The following CLEC17A variants were observed in gnomAD, a reference collection of about 807,000 sequenced individuals.
CLEC17A encodes the protein C-type lectin domain family 17, member A.
Under a neutral mutation model 61.3 loss-of-function variants are expected in CLEC17A, and 37 were observed. That is an observed-to-expected ratio of 0.60 (90% CI 0.46 to 0.79). The LOEUF (loss-of-function observed/expected upper bound fraction) is 0.79, where lower values mean the gene tolerates loss of function less well. CLEC17A is among the 30% of genes least tolerant of loss of function. The pLI, the probability that CLEC17A is intolerant of heterozygous loss-of-function variation, is 0.00. For synonymous variants in CLEC17A, 168 were observed against 164.9 expected (o/e 1.02, Z -0.14); for missense variants, 418 against 464.7 (o/e 0.90, Z 0.92).
rs945017972 is a variant in CLEC17A at position 14,611,873 on chromosome 19, A to C, written c.*1677A>C. ...AAAAAAATTAGCTGGGCGTGGTGGC[A>C]TGTGCCTGTAATCCCAGCTACTCAG... On this transcript the variant is annotated 3_prime_UTR_variant, in exon 14 of 14. Coordinates refer to ENST00000417570, the MANE Select transcript of CLEC17A (RefSeq NM_001204118.2). Among the ~76,000 whole-genome samples, 1 of 152,036 alleles carries C rather than the reference A, an allele frequency of 6.6e-6. No individual in the cohort carries two copies. The highest frequency in any genetic ancestry group is 6.6e-5 in the Admixed American group (1 of 15,240).
rs530072921 is a variant in CLEC17A, at chr19:14,597,733, T to G, written c.646+572T>G. 3.3e-5 allele frequency among the ~76,000 whole-genome samples: 5 copies of G among 152,258 alleles called. No individual in the cohort carries two copies. In the South Asian group the frequency reaches 1.0e-3, roughly 32 times the overall value. On this transcript the variant is annotated intron_variant, in intron 10 of 13. Coordinates refer to ENST00000417570, the MANE Select transcript of CLEC17A (RefSeq NM_001204118.2). The stretch of plus-strand genomic sequence containing the variant: ...CTCCTGCCTCAGCCTCTTGAGTAGC[T>G]GGGACATAGGCGCATGCCATCACAC...
In CLEC17A at chr19:14,596,961, G is replaced by A. The variant is rs1471994309; in HGVS notation, c.531G>A (p.Val177=). The change falls in exon 9 of 14, where the codon GTG becomes GTA. Residue 177 remains valine, a synonymous_variant. Transcript: ENST00000417570. ...GGATGGTGTACCTGTGTCTGCTGGTGGTGACTTCCCTGTTCCTGGGCTGCC... is the reference window on the plus strand; with the variant it reads ...GGATGGTGTACCTGTGTCTGCTGGTAGTGACTTCCCTGTTCCTGGGCTGCC... The part of the protein sequence containing the change: ...KRWMVYLCLL[V]VTSLFLGCLG... 6.2e-7 allele frequency: 1 copy of A among 1,608,718 alleles called. No individual in the cohort carries two copies. Among genetic ancestry groups the A allele is most frequent in the African/African-American group, 1.3e-5 (1 of 74,940 alleles).
intron 13 of CLEC17A, among the ~76,000 whole-genome samples, chr19:14,607,370 A>ATT (rs144994214): frequency 1.3e-5 from 2 of 150,472 alleles, no homozygotes; most frequent in African/African-American, 2.4e-5. Context: ...TGCCCGGCTA[A>ATT]TTTTTTGTAT....
rs1173247650 is a variant in CLEC17A at position 14,600,016 on chromosome 19, C to T, written c.743-15C>T. 3.1e-6 allele frequency: 5 copies of T among 1,612,928 alleles called. No individual in the cohort carries two copies. The highest frequency in any genetic ancestry group is 4.2e-6 in the Non-Finnish European group (5 of 1,179,398). ...GTTCTGGGGCCATCCTGACAGCATT[C>T]TGTCTGGTTCCCAGACTGCCGCCGA... On this transcript the variant is annotated splice_polypyrimidine_tract_variant and intron_variant, in intron 11 of 13. Transcript: ENST00000417570.
At position 14,610,265 on chromosome 19, in the gene CLEC17A, T is replaced by C; in HGVS notation, c.*69T>C. ...GAGATGAGAATCTCCTGCCCTTTCG[T>C]GGACGGCCTTGCCTCTTCGTGAGTG... On this transcript the variant is annotated 3_prime_UTR_variant, in exon 14 of 14. Transcript: ENST00000417570. 5 of 1,531,608 alleles carry C rather than the reference T, an allele frequency of 3.3e-6. No individual in the cohort carries two copies. Among genetic ancestry groups the C allele is most frequent in the Non-Finnish European group, 4.4e-6 (5 of 1,142,916 alleles). 94.9% of individuals were successfully genotyped at this position (1,531,608 alleles called of 1,614,324 possible). A position where few individuals can be genotyped will look rare whatever the true frequency, so the allele number is the denominator to read the frequency against.
intron 13 of CLEC17A, among the ~76,000 whole-genome samples, chr19:14,609,767 G>A (rs2075000585): frequency 6.6e-6 from 1 of 151,902 alleles, no homozygotes; most frequent in African/African-American, 2.4e-5. Context: ...GAACCCAGGA[G>A]ACAGAGGTTG....
At chr19:14,583,330 G>A (rs780546435) in intron 1 of CLEC17A, 27 bp from the exon 2 acceptor site, 2 of 1,606,864 alleles carry the variant, frequency 1.2e-6, no homozygotes, top group African/African-American at 1.3e-5. Flanking sequence ...GGAATGGCTG[G>A]GCTCTGACTT....
At position 14,601,371 on chromosome 19, in the gene CLEC17A, G is replaced by A. The variant is rs567538186; in HGVS notation, c.894+1189G>A. Among the ~76,000 whole-genome samples, 30 of 152,272 alleles carry A rather than the reference G, an allele frequency of 2.0e-4. No individual in the cohort carries two copies. In the East Asian group the frequency reaches 5.6e-3, roughly 28 times the overall value. On this transcript the variant is annotated intron_variant, in intron 12 of 13. Transcript: ENST00000417570. The stretch of plus-strand genomic sequence containing the variant: ...TGGTAGGGAAATAAGTCTCACCTCC[G>A]TGCAACCAGAAGGAGGATTGGAATA...
intron 12 of CLEC17A, among the ~76,000 whole-genome samples, chr19:14,605,101 C>G (rs2074822488): frequency 6.7e-6 from 1 of 148,900 alleles, no homozygotes. Context: ...GACCTCCCCA[C>G]ATTTTTTTTT....
Position 14,610,529 on chromosome 19 carries a change from G to A in CLEC17A, c.*333G>A. The A allele has an allele frequency of 4.1e-6, 1 of 240,986 alleles. No individual in the cohort carries two copies. Among genetic ancestry groups the A allele is most frequent in the Non-Finnish European group, 8.2e-6 (1 of 121,272 alleles). 14.9% of individuals were successfully genotyped at this position (240,986 alleles called of 1,614,324 possible). ...TAGCCCTGAGGACCCTGGGGCTGGT[G>A]TTGAACCTGGGATGAAATATCCTGG... is the stretch of plus-strand genomic sequence containing the variant. On this transcript the variant is annotated 3_prime_UTR_variant, in exon 14 of 14. Coordinates refer to ENST00000417570, the MANE Select transcript of CLEC17A (RefSeq NM_001204118.2).
At chr19:14,591,898 ATG>A (rs747656450) in intron 3 of CLEC17A, among the ~76,000 whole-genome samples, 3,642 of 138,676 alleles carry the variant, frequency 0.026, 56 homozygotes, top group Admixed American at 0.038. Context: ...CCGGAGAAAA[ATG>A]TGTGTGTGTG....
upstream of CLEC17A, among the ~76,000 whole-genome samples, chr19:14,582,926 T>C (rs2146653075): frequency 6.6e-6 from 1 of 152,234 alleles, no homozygotes; most frequent in Admixed American, 6.5e-5. Context: ...TTATTCCTTC[T>C]GTGCGTGAAT....
chr19:14,586,808 C>T (rs1202986515), intron 2 of CLEC17A, among the ~76,000 whole-genome samples: 2 of 151,988 alleles, frequency 1.3e-5, no homozygotes, highest in African/African-American at 4.8e-5. Flanking sequence ...CCACCCAGAA[C>T]TTGGTGCTCT....
intron 2 of CLEC17A, among the ~76,000 whole-genome samples, chr19:14,584,822 T>A (rs1171121205): frequency 1.3e-5 from 2 of 151,480 alleles, no homozygotes; most frequent in South Asian, 4.2e-4. Context: ...GCATCCACTC[T>A]CCAATCCAAC....
chr19:14,602,120 C>T (rs955361976), intron 12 of CLEC17A, among the ~76,000 whole-genome samples: 5 of 151,928 alleles, frequency 3.3e-5, no homozygotes, highest in Non-Finnish European at 7.4e-5. Context: ...TTTGTAGAGA[C>T]AGGGTCTTGC....
At chr19:14,609,318 T>C (rs1056517489) in intron 13 of CLEC17A, among the ~76,000 whole-genome samples, 1 of 151,872 alleles carries the variant, frequency 6.6e-6, no homozygotes, top group Admixed American at 6.6e-5. Flanking sequence ...GAGGCTAGAG[T>C]CATCTGAGTC....
chr19:14,604,296 T>C (rs2074797233), intron 12 of CLEC17A, among the ~76,000 whole-genome samples: 2 of 152,158 alleles, frequency 1.3e-5, no homozygotes, highest in Admixed American at 1.3e-4. Context: ...AGATACCAGA[T>C]TCTTCTCTCT....
intron 12 of CLEC17A, among the ~76,000 whole-genome samples, chr19:14,604,217 C>A (rs2074795333): frequency 6.6e-6 from 1 of 152,158 alleles, no homozygotes; most frequent in African/African-American, 2.4e-5. Context: ...CCCCAGGTCC[C>A]TTCTGCTTTT....
chr19:14,598,304 T>TTCTTTCTCTCTC lies in CLEC17A; in HGVS notation c.646+1146_646+1147insTTCTCTCTCTCT, dbSNP rs1555746763. Among the ~76,000 whole-genome samples the TTCTTTCTCTCTC allele has an allele frequency of 9.9e-3, 1,471 of 149,190 alleles. 21 individuals carry two copies. Among genetic ancestry groups the TTCTTTCTCTCTC allele is most frequent in the African/African-American group, 0.034 (1,380 of 40,516 alleles). The stretch of plus-strand genomic sequence containing the variant: ...TTTCTTTCGTTTGTTTGTTCTTTCT[T>TTCTTTCTCTCTC]TCTCTCTCTCTCTCTCTCTCTCACT... On this transcript the variant is annotated intron_variant, in intron 10 of 13. Coordinates refer to ENST00000417570, the MANE Select transcript of CLEC17A (RefSeq NM_001204118.2).
Sources: allele counts gnomAD v4.1 joint callset (sites outside exome capture counted in the v4.1 genomes callset), GRCh38; gene constraint gnomAD v4.1.1; transcripts MANE v1.5; gene names NCBI Gene and HGNC (gene_info 2026-07-23, HGNC 2026-07-21).